The following SDK1 variants were observed in gnomAD, a reference collection of about 807,000 sequenced individuals.
SDK1 encodes sidekick cell adhesion molecule 1.
SDK1 carries 157 observed loss-of-function variants against 245.5 expected under a neutral mutation model. The observed-to-expected ratio is 0.64, with a 90% CI of 0.56 to 0.73. SDK1 has a LOEUF of 0.73. Among genes scored for constraint, SDK1 ranks in the 30% least tolerant of loss-of-function variants. SDK1 has a pLI of 0.00. For missense variants in SDK1, 3,583 were observed against 3,002.3 expected, an observed-to-expected ratio of 1.19 and a Z score of -4.52; for synonymous variants, 1,647 against 1,278.5, an observed-to-expected ratio of 1.29 and a Z score of -6.15.
intron 20 of SDK1, among the ~76,000 whole-genome samples, chr7:4,074,100 G>A (rs931381054): frequency 3.3e-5 from 5 of 152,122 alleles, no homozygotes; most frequent in Non-Finnish European, 7.4e-5. Context: ...GTCAGCTCAG[G>A]GGGTCTTCAG....
chr7:3,746,553 A>G (rs1779626962), intron 4 of SDK1, among the ~76,000 whole-genome samples: 1 of 152,216 alleles, frequency 6.6e-6, no homozygotes, highest in African/African-American at 2.4e-5. Context: ...TTATCAACTA[A>G]GAGTATGTAA....
intron 19 of SDK1, among the ~76,000 whole-genome samples, chr7:4,053,272 AG>A (rs1778994838): frequency 6.6e-6 from 1 of 151,920 alleles, no homozygotes; most frequent in Non-Finnish European, 1.5e-5. Flanking sequence ...CACTCCCAGC[AG>A]GTGACATTTG....
intron 4 of SDK1, among the ~76,000 whole-genome samples, chr7:3,797,395 C>G (rs751764371): frequency 1.3e-5 from 2 of 149,764 alleles, no homozygotes; most frequent in Non-Finnish European, 3.0e-5. Flanking sequence ...TGTATATTTT[C>G]TTATTTTTCT....
intron 4 of SDK1, among the ~76,000 whole-genome samples, chr7:3,736,152 T>C (rs1779313135): frequency 6.6e-6 from 1 of 152,228 alleles, no homozygotes. Context: ...ATTTTGACCC[T>C]GTTAGTTTTG....
In SDK1 at chr7:3,966,012, A is replaced by T. The variant is rs992709919; in HGVS notation, c.1430-1306A>T. Among the ~76,000 whole-genome samples, 7 of 151,942 alleles carry T rather than the reference A, an allele frequency of 4.6e-5. No homozygotes were observed. The East Asian group carries it at 1.4e-3, about 30-fold the overall frequency. On this transcript the variant is annotated intron_variant, in intron 9 of 44. Transcript: ENST00000404826. ...GGGATAGGCAGGGGCAGAGGCCGAG[A>T]ACAGGAGGAGCCTCGGGAGCTGCGA...
intron 5 of SDK1, among the ~76,000 whole-genome samples, chr7:3,862,397 G>A (rs1306926500): frequency 6.6e-6 from 1 of 152,206 alleles, no homozygotes; most frequent in East Asian, 1.9e-4. Context: ...TTGTGGCACA[G>A]CGAGCAAATC....
intron 19 of SDK1, among the ~76,000 whole-genome samples, chr7:4,053,298 A>G (rs1028960407): frequency 6.6e-5 from 10 of 151,838 alleles, no homozygotes; most frequent in African/African-American, 9.7e-5. Context: ...GGCCAAGGCC[A>G]CCAAGACGGA....
At chr7:4,147,738 C>G (rs961854973) in intron 29 of SDK1, among the ~76,000 whole-genome samples, 3 of 152,224 alleles carry the variant, frequency 2.0e-5, no homozygotes, top group Non-Finnish European at 4.4e-5. Flanking sequence ...CCCTATCCCC[C>G]TGCTGCCACC....
intron 1 of SDK1, among the ~76,000 whole-genome samples, chr7:3,608,986 A>G (rs1406634685): frequency 2.6e-5 from 4 of 152,232 alleles, no homozygotes; most frequent in Admixed American, 2.6e-4. Flanking sequence ...AGCAGGTGTG[A>G]GAATCTAGTT....
chr7:4,025,721 G>C (rs1362555132), intron 17 of SDK1, among the ~76,000 whole-genome samples: 1 of 152,118 alleles, frequency 6.6e-6, no homozygotes, highest in African/African-American at 2.4e-5. Flanking sequence ...TGAAAACACA[G>C]GGCTTATTGT....
At chr7:4,228,687 G>A (rs763796039) in intron 40 of SDK1, among the ~76,000 whole-genome samples, 4 of 152,158 alleles carry the variant, frequency 2.6e-5, no homozygotes, top group African/African-American at 4.8e-5. Flanking sequence ...TTACAGGAGC[G>A]TGCCATCATA....
At chr7:4,084,607 T>C (rs1781304608) in intron 22 of SDK1, among the ~76,000 whole-genome samples, 1 of 152,202 alleles carries the variant, frequency 6.6e-6, no homozygotes, top group South Asian at 2.1e-4. Context: ...TTCTGAAGCA[T>C]CATGAGTTCA....
At chr7:4,135,398 C>G (rs370700165) in intron 28 of SDK1, among the ~76,000 whole-genome samples, 1 of 152,184 alleles carries the variant, frequency 6.6e-6, no homozygotes, top group Admixed American at 6.5e-5. Flanking sequence ...TCCAGGCCTT[C>G]GCCCTAGAGA....
At chr7:3,405,166 A>G (rs1050855721) in intron 1 of SDK1, among the ~76,000 whole-genome samples, 5 of 137,030 alleles carry the variant, frequency 3.6e-5, no homozygotes, top group African/African-American at 1.5e-4. Context: ...AACCAAAAAA[A>G]AAAACAAAAA....
At chr7:3,312,417 G>C (rs1415722347) in intron 1 of SDK1, among the ~76,000 whole-genome samples, 2 of 152,144 alleles carry the variant, frequency 1.3e-5, no homozygotes, top group East Asian at 1.9e-4. Context: ...AGGAGATTGA[G>C]ATGATAGGAT....
intron 1 of SDK1, among the ~76,000 whole-genome samples, chr7:3,524,267 G>C (rs1046869655): frequency 6.6e-6 from 1 of 152,200 alleles, no homozygotes; most frequent in Non-Finnish European, 1.5e-5. Context: ...ACAAGCTATA[G>C]AGGATGCTGA....
At chr7:3,782,042 C>T (rs760393026) in intron 4 of SDK1, among the ~76,000 whole-genome samples, 63 of 152,182 alleles carry the variant, frequency 4.1e-4, no homozygotes, top group Non-Finnish European at 7.6e-4. Flanking sequence ...GAACAGATGC[C>T]AATACCCATG....
chr7:4,262,648 G>A (rs1788095989), intron 44 of SDK1, among the ~76,000 whole-genome samples: 2 of 147,020 alleles, frequency 1.4e-5, no homozygotes, highest in South Asian at 4.5e-4. Context: ...CTCTGTGGAT[G>A]TGATGTCACA....
intron 4 of SDK1, among the ~76,000 whole-genome samples, chr7:3,716,910 G>C (rs1171877462): frequency 6.6e-6 from 1 of 151,966 alleles, no homozygotes; most frequent in Non-Finnish European, 1.5e-5. Context: ...AAAGAAAGAA[G>C]AACAAATAAG....
Sources: allele counts gnomAD v4.1 joint callset (sites outside exome capture counted in the v4.1 genomes callset), GRCh38; gene constraint gnomAD v4.1.1; transcripts MANE v1.5; gene names NCBI Gene and HGNC (gene_info 2026-07-23, HGNC 2026-07-21).